The following BRPF1 variants were observed in gnomAD, a reference collection of about 807,000 sequenced individuals.
BRPF1 encodes peregrin.
A neutral mutation model predicts 115.0 loss-of-function variants in BRPF1; 15 were observed. The observed-to-expected ratio is 0.13, with a 90% CI of 0.09 to 0.20. BRPF1 has a LOEUF of 0.20. BRPF1 is among the 10% of genes least tolerant of loss of function. BRPF1 has a pLI of 1.00. For synonymous variants in BRPF1, 647 were observed against 619.8 expected (o/e 1.04, Z -0.65); for missense variants, 1,118 against 1,638.3 (o/e 0.68, Z 5.48).
Position 9,734,758 on chromosome 3 carries a change from T to C in BRPF1, c.599+19T>C, listed in dbSNP as rs528981082. On this transcript the variant is annotated intron_variant, in intron 2 of 13. Coordinates refer to ENST00000383829, the MANE Select transcript of BRPF1 (RefSeq NM_001003694.2). This position sits in a 1 kb window ranked among gnomAD's most constrained non-coding sequence, Gnocchi z 5.7. ...ATTACCGGTAAGGCCACCTCTACCT[T>C]GCAGCTCTGGAAAACTGGTCAAGCA... 3.1e-6 allele frequency: 5 copies of C among 1,611,564 alleles called. No individual in the cohort carries two copies. The South Asian group carries it at 4.4e-5, about 14-fold the overall frequency.
At position 9,740,675 on chromosome 3, in the gene BRPF1, T is replaced by C. The variant is rs1466101133; in HGVS notation, c.1560-104T>C. 17 of 1,406,158 alleles carry C rather than the reference T, an allele frequency of 1.2e-5. No homozygotes were observed. The African/African-American group carries it at 2.3e-4, about 19-fold the overall frequency. The allele number at this position is 1,406,158 out of a possible 1,614,324, so 87.1% of individuals were successfully genotyped here. ...CCCAGGCCTTTTGGACAAGAGATCC[T>C]CTCCCTTCATCCCCATTCAGGAACT... is the stretch of plus-strand genomic sequence containing the variant. On this transcript the variant is annotated intron_variant, in intron 3 of 13. Transcript: ENST00000383829.
In BRPF1 at chr3:9,747,775, C is replaced by T. The variant is rs1476080570; in HGVS notation, c.*426C>T. Reference sequence around the variant, plus strand: ...AGCCTGGAAGAGGGGCACTAGGTGACTCCCTCCCCTGCTGTTGTAAATACT... The same window carrying T: ...AGCCTGGAAGAGGGGCACTAGGTGATTCCCTCCCCTGCTGTTGTAAATACT... On this transcript the variant is annotated 3_prime_UTR_variant, in exon 14 of 14. Coordinates refer to ENST00000383829, the MANE Select transcript of BRPF1 (RefSeq NM_001003694.2). The surrounding 1 kb of genome is among the most constrained non-coding windows in gnomAD (Gnocchi z 5.6). The T allele has an allele frequency of 2.5e-5, 4 of 161,288 alleles. No individual in the cohort carries two copies. The highest frequency in any genetic ancestry group is 9.6e-5 in the African/African-American group (4 of 41,840). 10.0% of individuals were successfully genotyped at this position (161,288 alleles called of 1,614,324 possible).
rs774214590 is a variant in BRPF1, at chr3:9,747,383, G to A, written c.*34G>A. On this transcript the variant is annotated 3_prime_UTR_variant, in exon 14 of 14. Transcript: ENST00000383829. The surrounding 1 kb of genome is among the most constrained non-coding windows in gnomAD (Gnocchi z 5.6). ...AACACAGCCCAACCTATAGTGCCCTGTGACTTCTCTCCTCCCCTTTGCTCA... is the reference window on the plus strand; with the variant it reads ...AACACAGCCCAACCTATAGTGCCCTATGACTTCTCTCCTCCCCTTTGCTCA... The A allele has an allele frequency of 6.9e-6, 11 of 1,600,940 alleles. No homozygotes were observed. Among genetic ancestry groups the A allele is most frequent in the South Asian group, 4.4e-5 (4 of 90,580 alleles).
intron 2 of BRPF1, among the ~76,000 whole-genome samples, chr3:9,738,461 G>C (rs921952657): frequency 6.6e-6 from 1 of 152,186 alleles, no homozygotes; most frequent in East Asian, 1.9e-4. Context: ...AGAGTTTGAC[G>C]GAGCCTTGAG....
rs1317520367 is a variant in BRPF1, at chr3:9,742,266, AAG to A, written c.2001+100_2001+101del. On this transcript the variant is annotated intron_variant, in intron 6 of 13. Transcript: ENST00000383829. ...GGGCCAGGACTAGATGGGGACCTTG[AAG>A]AGAGGGGCTGGTGGCTCTGGGGCAG... 3.2e-6 allele frequency: 5 copies of A among 1,550,382 alleles called. No homozygotes were observed. The African/African-American group carries it at 4.1e-5, about 13-fold the overall frequency.
chr3:9,734,873 G>T lies in BRPF1; in HGVS notation c.599+134G>T. On this transcript the variant is annotated intron_variant, in intron 2 of 13. Coordinates refer to ENST00000383829, the MANE Select transcript of BRPF1 (RefSeq NM_001003694.2). This position sits in a 1 kb window ranked among gnomAD's most constrained non-coding sequence, Gnocchi z 5.7. ...AAAGAACACTGATTTTGCCAGGGCA[G>T]TGAGTGGAATGGTACGCCACTAATG... is the stretch of plus-strand genomic sequence containing the variant. 1.8e-6 allele frequency: 2 copies of T among 1,136,754 alleles called. No individual in the cohort carries two copies. Among genetic ancestry groups the T allele is most frequent in the Non-Finnish European group, 2.5e-6 (2 of 802,842 alleles). 70.4% of individuals were successfully genotyped at this position (1,136,754 alleles called of 1,614,324 possible).
chr3:9,734,786 G>A lies in BRPF1; in HGVS notation c.599+47G>A, dbSNP rs750646532. On this transcript the variant is annotated intron_variant, in intron 2 of 13. Coordinates refer to ENST00000383829, the MANE Select transcript of BRPF1 (RefSeq NM_001003694.2). The surrounding 1 kb of genome is among the most constrained non-coding windows in gnomAD (Gnocchi z 5.7). ...AGCTCTGGAAAACTGGTCAAGCAGG[G>A]CTCACTAGCCAGAGAGAGGTGAGAG... 28 of 1,597,866 alleles carry A rather than the reference G, an allele frequency of 1.8e-5. No homozygotes were observed. The highest frequency in any genetic ancestry group is 2.1e-5 in the Non-Finnish European group (25 of 1,168,100).
At position 9,747,233 on chromosome 3, in the gene BRPF1, C is replaced by T. The variant is rs1386298267; in HGVS notation, c.3547C>T (p.Leu1183=). 2 of 1,614,168 alleles carry T rather than the reference C, an allele frequency of 1.2e-6. No homozygotes were observed. Among genetic ancestry groups the T allele is most frequent in the East Asian group, 2.2e-5 (1 of 44,878 alleles). ...CCAGGACCTAGACAAGGAGAAGATG[C>T]TGGAGGGCCGCAAGTCCAACATCCG... is the stretch of plus-strand genomic sequence containing the variant. ...VNQDLDKEKM[L]EGRKSNIRKS... Residue 1183 remains leucine, a synonymous_variant, in exon 14 of 14, where the codon CTG becomes TTG. Transcript: ENST00000383829. The surrounding 1 kb of genome is among the most constrained non-coding windows in gnomAD (Gnocchi z 5.6).
chr3:9,747,299 C>T lies in BRPF1; in HGVS notation c.3613C>T (p.Arg1205Cys), dbSNP rs1559670397. ...CGCCTACCACAGGGCTCTGCAGCAC[C>T]GCAGCAAGGTGCAAGGCGAGCAGAG... is the stretch of plus-strand genomic sequence containing the variant. The part of the protein sequence containing the change: ...QIAYHRALQH[R>C]SKVQGEQSSE... Residue 1205 changes from arginine to cysteine, a missense_variant, in exon 14 of 14, where the codon CGC becomes TGC. Coordinates refer to ENST00000383829, the MANE Select transcript of BRPF1 (RefSeq NM_001003694.2). The surrounding 1 kb of genome is among the most constrained non-coding windows in gnomAD (Gnocchi z 5.6). 3 of 1,614,192 alleles carry T rather than the reference C, an allele frequency of 1.9e-6. No homozygotes were observed. Among genetic ancestry groups the T allele is most frequent in the Non-Finnish European group, 1.7e-6 (2 of 1,180,050 alleles).
chr3:9,744,562 T>C, intron 9 of BRPF1, 54 bp downstream of exon 9: 1 of 1,334,340 alleles, frequency 7.5e-7, no homozygotes. Flanking sequence ...CTGCCATTCT[T>C]CCCAGCATAC....
chr3:9,737,695 A>G (rs987771198), intron 2 of BRPF1, among the ~76,000 whole-genome samples: 3 of 152,226 alleles, frequency 2.0e-5, no homozygotes, highest in African/African-American at 7.2e-5. Context: ...AGATAAATGT[A>G]CATATTTGCA....
At position 9,743,920 on chromosome 3, in the gene BRPF1, G is replaced by C; in HGVS notation, c.2635+19G>C. On this transcript the variant is annotated intron_variant, in intron 8 of 13. Transcript: ENST00000383829. This position sits in a 1 kb window ranked among gnomAD's most constrained non-coding sequence, Gnocchi z 6.1. ...AGCAAAGGTCTGAATCCCATGGCAA[G>C]GTGGACCCCAAAGCAAGTCAGACTT... The C allele has an allele frequency of 1.3e-6, 2 of 1,545,890 alleles. No individual in the cohort carries two copies. Among genetic ancestry groups the C allele is most frequent in the Non-Finnish European group, 1.8e-6 (2 of 1,142,452 alleles).
chr3:9,741,960 A>G, intron 5 of BRPF1, 65 bp from the exon 6 acceptor site: 1 of 1,591,802 alleles, frequency 6.3e-7, no homozygotes, highest in Non-Finnish European at 8.6e-7. Flanking sequence ...CTGGGACCAT[A>G]TCCTCAGACC....
chr3:9,743,137 GTGC>G lies in BRPF1; in HGVS notation c.2198_2200del (p.Ala733del). ...GCAGTGCGGCTTCGTGAGCAGGGTG[GTGC>G]TGTGCTCCGCCAGGCCCGGCGCCAG... On this transcript the variant is annotated inframe_deletion, in exon 7 of 14. Transcript: ENST00000383829. This position sits in a 1 kb window ranked among gnomAD's most constrained non-coding sequence, Gnocchi z 6.1. 1 of 1,614,242 alleles carries G rather than the reference GTGC, an allele frequency of 6.2e-7. No individual in the cohort carries two copies. Among genetic ancestry groups the G allele is most frequent in the South Asian group, 1.1e-5 (1 of 91,092 alleles).
chr3:9,743,959 C>G lies in BRPF1; in HGVS notation c.2635+58C>G. 1 of 1,501,254 alleles carries G rather than the reference C, an allele frequency of 6.7e-7. No homozygotes were observed. Among genetic ancestry groups the G allele is most frequent in the Non-Finnish European group, 8.9e-7 (1 of 1,121,830 alleles). 93.0% of individuals were successfully genotyped at this position (1,501,254 alleles called of 1,614,324 possible). On this transcript the variant is annotated intron_variant, in intron 8 of 13. Transcript: ENST00000383829. The surrounding 1 kb of genome is among the most constrained non-coding windows in gnomAD (Gnocchi z 6.1). ...CAAGTCAGACTTTGGCTCTGCAGCACACACTCAACCCCTGCCATTCCCCAG... is the reference window on the plus strand; with the variant it reads ...CAAGTCAGACTTTGGCTCTGCAGCAGACACTCAACCCCTGCCATTCCCCAG...
rs141184396 is a variant in BRPF1 at position 9,744,342 on chromosome 3, C to T, written c.2754C>T (p.Pro918=). 7.4e-5 allele frequency: 119 copies of T among 1,613,296 alleles called. No homozygotes were observed. The highest frequency in any genetic ancestry group is 1.3e-5 in the Non-Finnish European group (15 of 1,179,692). ...CGCCCAAGAGGCCGGGCCGGCCCCCCAAAAACCGGGAGAGCCAGATGACCC... is the reference window on the plus strand; with the variant it reads ...CGCCCAAGAGGCCGGGCCGGCCCCCTAAAAACCGGGAGAGCCAGATGACCC... ...AGPPKRPGRP[P]KNRESQMTPS... Residue 918 remains proline, a synonymous_variant, in exon 9 of 14, where the codon CCC becomes CCT. Transcript: ENST00000383829.
Position 9,743,250 on chromosome 3 carries a change from G to C in BRPF1, c.2308G>C (p.Asp770His), listed in dbSNP as rs769764853. ...AGATGAGGCCACACACCACACTGAA[G>C]ATGGTGGGTGATATATCACACACAC... Reference protein sequence around the residue: ...AGDEATHHTEDAAEEERLVLL... With the variant: ...AGDEATHHTEHAAEEERLVLL... The change falls in exon 7 of 14, where the codon GAT becomes CAT. Residue 770 changes from aspartate to histidine, a missense_variant. Physicochemically the swap from Asp to His is moderately conservative, Grantham distance 81 (BLOSUM62 -1). Coordinates refer to ENST00000383829, the MANE Select transcript of BRPF1 (RefSeq NM_001003694.2). This position sits in a 1 kb window ranked among gnomAD's most constrained non-coding sequence, Gnocchi z 6.1. The C allele has an allele frequency of 3.1e-6, 5 of 1,611,412 alleles. No homozygotes were observed. Among genetic ancestry groups the C allele is most frequent in the East Asian group, 4.5e-5 (2 of 44,828 alleles).
rs1553695222 is a variant in BRPF1 at position 9,739,617 on chromosome 3, C to T, written c.1218C>T (p.Tyr406=). The part of the protein sequence containing the change: ...ACIQCHKANC[Y]TAFHVTCAQQ... Reference sequence around the variant, plus strand: ...TCCAGTGCCACAAGGCCAACTGTTACACAGCTTTCCATGTGACATGCGCCC... The same window carrying T: ...TCCAGTGCCACAAGGCCAACTGTTATACAGCTTTCCATGTGACATGCGCCC... The change falls in exon 3 of 14, where the codon TAC becomes TAT. Residue 406 remains tyrosine (Y), a synonymous_variant. Transcript: ENST00000383829. 8 of 1,609,318 alleles carry T rather than the reference C, an allele frequency of 5.0e-6. No individual in the cohort carries two copies. Among genetic ancestry groups the T allele is most frequent in the Admixed American group, 1.7e-5 (1 of 59,922 alleles).
intron 1 of BRPF1, among the ~76,000 whole-genome samples, chr3:9,733,676 T>C (rs1210790131): frequency 1.3e-5 from 2 of 152,120 alleles, no homozygotes; most frequent in Non-Finnish European, 2.9e-5. Flanking sequence ...GAATGAGAGG[T>C]TATAACATTC....
Sources: allele counts gnomAD v4.1 joint callset (sites outside exome capture counted in the v4.1 genomes callset), GRCh38; gene constraint gnomAD v4.1.1; non-coding constraint Gnocchi (gnomAD v3.1); transcripts MANE v1.5; gene names NCBI Gene and HGNC (gene_info 2026-07-23, HGNC 2026-07-21).